Variants in APC observed in about 807,000 individuals in gnomAD.
APC encodes APC regulator of Wnt signaling pathway.
Under a neutral mutation model 247.0 loss-of-function variants are expected in APC, and 72 were observed. The ratio of observed to expected loss-of-function variants is 0.29; its 90% CI spans 0.24 to 0.35. The LOEUF (loss-of-function observed/expected upper bound fraction) is 0.35, where lower values mean the gene tolerates loss of function less well. Among genes scored for constraint, APC ranks in the 10% least tolerant of loss-of-function variants. The probability of loss-of-function intolerance (pLI) is 1.00; values close to 1 mark genes in which losing one functional copy is unlikely to be tolerated. For missense variants in APC, 3,400 were observed against 3,360.7 expected (o/e 1.01, Z -0.29); for synonymous variants, 1,254 against 1,162.5 (o/e 1.08, Z -1.60).
In APC at chr5:112,843,477, A is replaced by G. The variant is rs876659311; in HGVS notation, c.7883A>G (p.Gln2628Arg). 2 of 1,614,066 alleles carry G rather than the reference A, an allele frequency of 1.2e-6. No individual in the cohort carries two copies. Among genetic ancestry groups the G allele is most frequent in the East Asian group, 2.2e-5 (1 of 44,876 alleles). Residue 2628 changes from glutamine to arginine, a missense_variant, in exon 16 of 16, where the codon CAG becomes CGG. This residue lies in a region of APC where 1,788 missense variants were observed against 1,649.5 expected (regional missense o/e 1.08). Transcript: ENST00000257430. The surrounding 1 kb of genome is among the most constrained non-coding windows in gnomAD (Gnocchi z 4.8). Reference protein sequence around the residue: ...NEFSPTNSTSQTVSSGATNGA... With the variant: ...NEFSPTNSTSRTVSSGATNGA... ...TTTTCTCCCACAAATAGTACTTCTCAGACCGTTTCCTCAGGTGCTACAAAT... is the reference window on the plus strand; with the variant it reads ...TTTTCTCCCACAAATAGTACTTCTCGGACCGTTTCCTCAGGTGCTACAAAT...
chr5:112,782,359 T>TG (rs1758441996), intron 6 of APC, among the ~76,000 whole-genome samples: 1 of 152,006 alleles, frequency 6.6e-6, no homozygotes. Context: ...GAGATTTGGG[T>TG]GGGGACACAG....
Position 112,819,094 on chromosome 5 carries a change from T to C in APC, c.1062T>C (p.Pro354=). ...CCATGCGACAGTCTGGATGTCTTCC[T>C]CTCCTCATCCAGCTTTTACATGGCA... The part of the protein sequence containing the change: ...CISMRQSGCL[P]LLIQLLHGND... The change falls in exon 10 of 16, where the codon CCT becomes CCC. Residue 354 remains proline, a synonymous_variant. Coordinates refer to ENST00000257430, the MANE Select transcript of APC (RefSeq NM_000038.6). 6.2e-7 allele frequency: 1 copy of C among 1,614,096 alleles called. No individual in the cohort carries two copies. The highest frequency in any genetic ancestry group is 1.1e-5 in the South Asian group (1 of 91,084).
In APC at chr5:112,840,746, G is replaced by A. The variant is rs2149933300; in HGVS notation, c.5152G>A (p.Ala1718Thr). 2 of 1,614,096 alleles carry A rather than the reference G, an allele frequency of 1.2e-6. No homozygotes were observed. Among genetic ancestry groups the A allele is most frequent in the Middle Eastern group, 1.6e-4 (1 of 6,062 alleles). ...VTIPELDDNK[A>T]EEGDILAECI... ...CATACCTGAATTGGATGACAATAAA[G>A]CAGAGGAAGGTGATATTCTTGCAGA... The change falls in exon 16 of 16, where the codon GCA becomes ACA. Residue 1718 changes from alanine to threonine, a missense_variant. This residue lies in a region of APC where 1,788 missense variants were observed against 1,649.5 expected (regional missense o/e 1.08). Transcript: ENST00000257430. This position sits in a 1 kb window ranked among gnomAD's most constrained non-coding sequence, Gnocchi z 4.1.
At chr5:112,813,185 G>T (rs1762154561) in intron 8 of APC, among the ~76,000 whole-genome samples, 1 of 152,132 alleles carries the variant, frequency 6.6e-6, no homozygotes, top group South Asian at 2.1e-4. Context: ...ATTGAAGAAA[G>T]ATTAGTATGT....
chr5:112,707,622 A>T (rs1411710258), exon 1 of APC: 1 of 1,288,506 alleles, frequency 7.8e-7, no homozygotes, highest in Non-Finnish European at 1.0e-6. Context: ...GGAGCTGCGG[A>T]CCGAGGTTGG....
In APC at chr5:112,792,441, T is replaced by C; in HGVS notation, c.646-5T>C. On this transcript the variant is annotated splice_polypyrimidine_tract_variant and splice_region_variant and intron_variant, in intron 6 of 15. Transcript: ENST00000257430. Reference sequence around the variant, plus strand: ...TAACTAATTAGGTTTCTTGTTTTATTTTAGCGAAGAATAGCCAGAATTCAG... The same window carrying C: ...TAACTAATTAGGTTTCTTGTTTTATCTTAGCGAAGAATAGCCAGAATTCAG... The C allele has an allele frequency of 6.2e-7, 1 of 1,605,018 alleles. No homozygotes were observed. Among genetic ancestry groups the C allele is most frequent in the Non-Finnish European group, 8.5e-7 (1 of 1,173,962 alleles).
intron 1 of APC, among the ~76,000 whole-genome samples, chr5:112,732,382 A>T (rs1024126464): frequency 1.3e-5 from 2 of 152,144 alleles, no homozygotes; most frequent in African/African-American, 4.8e-5. Flanking sequence ...TACTAAAGGG[A>T]TTCTGCAGTG....
intron 1 of APC, among the ~76,000 whole-genome samples, chr5:112,746,797 AAC>A (rs1194471115): frequency 1.3e-5 from 2 of 152,236 alleles, no homozygotes; most frequent in African/African-American, 2.4e-5. Context: ...GTTTCAAGCT[AAC>A]AATAAAACGT....
At chr5:112,783,630 CAAAAA>C (rs563801773) in intron 6 of APC, 24 of 80,684 alleles carry the variant, frequency 3.0e-4, no homozygotes, top group Non-Finnish European at 4.8e-4. Context: ...CTGCCTCTAC[CAAAAA>C]AAAAAAAAAA....
intron 1 of APC, among the ~76,000 whole-genome samples, chr5:112,739,666 C>G (rs913715178): frequency 2.6e-5 from 4 of 152,112 alleles, no homozygotes; most frequent in African/African-American, 9.7e-5. Flanking sequence ...CCTTGGCGTT[C>G]AAGACCAGCC....
chr5:112,826,662 G>A (rs577158460), intron 11 of APC, among the ~76,000 whole-genome samples: 1 of 149,482 alleles, frequency 6.7e-6, no homozygotes, highest in Non-Finnish European at 1.5e-5. Flanking sequence ...ATTCCTAAGG[G>A]TAATTATTTG....
At position 112,742,106 on chromosome 5, in the gene APC, G is replaced by T. The variant is rs374208641; in HGVS notation, c.-19+4181G>T. Among the ~76,000 whole-genome samples, 10 of 151,968 alleles carry T rather than the reference G, an allele frequency of 6.6e-5. No homozygotes were observed. The East Asian group carries it at 1.2e-3, about 18-fold the overall frequency. On this transcript the variant is annotated intron_variant, in intron 1 of 15. Transcript: ENST00000257430. ...CGTGGGTGTGCAAGTGTCTGCTTGG[G>T]TTTTACTTTTTTTGTGTGTACTCAA...
chr5:112,776,320 A>G (rs1318383648), intron 5 of APC, among the ~76,000 whole-genome samples: 1 of 152,232 alleles, frequency 6.6e-6, no homozygotes, highest in Admixed American at 6.5e-5. Flanking sequence ...CCAGTAAAAC[A>G]TATACTGAAA....
rs1308242882 is a variant in APC, at chr5:112,840,762, T to C, written c.5168T>C (p.Ile1723Thr). 3 of 1,614,042 alleles carry C rather than the reference T, an allele frequency of 1.9e-6. No individual in the cohort carries two copies. Among genetic ancestry groups the C allele is most frequent in the Non-Finnish European group, 2.5e-6 (3 of 1,179,920 alleles). The change falls in exon 16 of 16, where the codon ATT becomes ACT. Residue 1723 changes from isoleucine (I) to threonine (T), a missense_variant. This residue lies in a region of APC where 1,788 missense variants were observed against 1,649.5 expected (regional missense o/e 1.08). Coordinates refer to ENST00000257430, the MANE Select transcript of APC (RefSeq NM_000038.6). The surrounding 1 kb of genome is among the most constrained non-coding windows in gnomAD (Gnocchi z 4.1). ...LDDNKAEEGD[I>T]LAECINSAMP... ...GACAATAAAGCAGAGGAAGGTGATA[T>C]TCTTGCAGAATGCATTAATTCTGCT... is the stretch of plus-strand genomic sequence containing the variant.
At chr5:112,814,367 C>T (rs1212854845) in intron 8 of APC, among the ~76,000 whole-genome samples, 2 of 148,450 alleles carry the variant, frequency 1.3e-5, no homozygotes, top group East Asian at 1.9e-4. Flanking sequence ...AGCTCAGTTC[C>T]CCCAATGAAA....
intron 1 of APC, among the ~76,000 whole-genome samples, chr5:112,728,872 T>C (rs1160742853): frequency 6.6e-6 from 1 of 152,198 alleles, no homozygotes; most frequent in Admixed American, 6.5e-5. Context: ...TATATATCCC[T>C]TTTTATTTGA....
chr5:112,841,077 C>T lies in APC; in HGVS notation c.5483C>T (p.Pro1828Leu), dbSNP rs971100064. 2.5e-6 allele frequency: 4 copies of T among 1,612,784 alleles called. No individual in the cohort carries two copies. In the African/African-American group the frequency reaches 5.3e-5, roughly 22 times the overall value. ...TCCAAGGTCTTCAATGATAAGCTCCCAAATAATGAAGATAGAGTCAGAGGA... is the reference window on the plus strand; with the variant it reads ...TCCAAGGTCTTCAATGATAAGCTCCTAAATAATGAAGATAGAGTCAGAGGA... ...NNSKVFNDKLPNNEDRVRGSF... is the reference protein window; with the variant it reads ...NNSKVFNDKLLNNEDRVRGSF... The change falls in exon 16 of 16, where the codon CCA becomes CTA. Residue 1828 changes from proline to leucine, a missense_variant. By Grantham distance (98) the Pro-to-Leu change is moderately conservative. Transcript: ENST00000257430. This position sits in a 1 kb window ranked among gnomAD's most constrained non-coding sequence, Gnocchi z 4.6.
At chr5:112,828,457 TAA>T (rs34947690) in intron 13 of APC, among the ~76,000 whole-genome samples, 271 of 141,410 alleles carry the variant, frequency 1.9e-3, no homozygotes, top group Middle Eastern at 7.3e-3. Flanking sequence ...AGGAGGAATT[TAA>T]AAAAAAAAAA....
At chr5:112,805,929 A>AT (rs1761330855) in intron 8 of APC, among the ~76,000 whole-genome samples, 1 of 152,182 alleles carries the variant, frequency 6.6e-6, no homozygotes, top group South Asian at 2.1e-4. Flanking sequence ...TAGAAAAATG[A>AT]TAACCATTTA....
Sources: allele counts gnomAD v4.1 joint callset (sites outside exome capture counted in the v4.1 genomes callset), GRCh38; gene constraint gnomAD v4.1.1; regional missense constraint gnomAD v4.1.1; non-coding constraint Gnocchi (gnomAD v3.1); transcripts MANE v1.5; gene names NCBI Gene and HGNC (gene_info 2026-07-23, HGNC 2026-07-21).